Variants in ASAP2 observed in about 807,000 individuals in gnomAD.
ASAP2 encodes arf-GAP with SH3 domain, ANK repeat and PH domain-containing protein 2.
ASAP2 carries 45 observed loss-of-function variants against 131.4 expected under a neutral mutation model. That is an observed-to-expected ratio of 0.34 (90% confidence interval 0.27 to 0.44). The LOEUF (loss-of-function observed/expected upper bound fraction) is 0.44, where lower values mean the gene tolerates loss of function less well. Ranked by LOEUF, ASAP2 falls within the 20% of genes least tolerant of loss-of-function variation. ASAP2 has a pLI of 1.00. For missense variants in ASAP2, 1,011 were observed against 1,297.0 expected, an observed-to-expected ratio of 0.78 and a Z score of 3.39; for synonymous variants, 510 against 503.0, an observed-to-expected ratio of 1.01 and a Z score of -0.19.
intron 1 of ASAP2, among the ~76,000 whole-genome samples, chr2:9,276,565 T>A (rs1359717983): frequency 6.6e-6 from 1 of 151,658 alleles, no homozygotes; most frequent in Non-Finnish European, 1.5e-5. Flanking sequence ...TGAGACAGAG[T>A]CTCACCCTGT....
chr2:9,391,174 C>T lies in ASAP2; in HGVS notation c.2496C>T (p.Pro832=). The change falls in exon 23 of 28, where the codon CCC becomes CCT. Residue 832 remains proline (P), a synonymous_variant. Coordinates refer to ENST00000281419, the MANE Select transcript of ASAP2 (RefSeq NM_003887.3). ...SDPPAVHPPL[P]PLRVTSTNPL... is the part of the protein sequence containing the mutation. ...CGCCAGCTGTCCATCCACCGCTGCCCCCTCTTCGCGTGACATCTACCAGTA... is the reference window on the plus strand; with the variant it reads ...CGCCAGCTGTCCATCCACCGCTGCCTCCTCTTCGCGTGACATCTACCAGTA... 1 of 1,614,078 alleles carries T rather than the reference C, an allele frequency of 6.2e-7. No homozygotes were observed. Among genetic ancestry groups the T allele is most frequent in the Non-Finnish European group, 8.5e-7 (1 of 1,179,986 alleles).
At chr2:9,243,870 A>G (rs1398201316) in intron 1 of ASAP2, among the ~76,000 whole-genome samples, 1 of 152,208 alleles carries the variant, frequency 6.6e-6, no homozygotes, top group Admixed American at 6.5e-5. Flanking sequence ...TAGTGTAGTA[A>G]AAATAGCCAG....
intron 21 of ASAP2, among the ~76,000 whole-genome samples, chr2:9,386,586 AATTTAG>A (rs1329689859): frequency 1.4e-4 from 21 of 152,334 alleles, no homozygotes; most frequent in African/African-American, 4.8e-4. Context: ...TGGGCTTTGC[AATTTAG>A]AAATATGTGT....
chr2:9,382,612 C>T (rs919167469), intron 20 of ASAP2, among the ~76,000 whole-genome samples: 2 of 152,214 alleles, frequency 1.3e-5, no homozygotes, highest in African/African-American at 4.8e-5. Context: ...CACATTCATT[C>T]TCCTGGGGTT....
At chr2:9,384,731 A>C (rs753938173) in intron 20 of ASAP2, among the ~76,000 whole-genome samples, 7 of 152,202 alleles carry the variant, frequency 4.6e-5, no homozygotes, top group Non-Finnish European at 8.8e-5. Flanking sequence ...CCTGGGTGCC[A>C]CCCTCCAGGA....
At chr2:9,242,995 T>C (rs1664085993) in intron 1 of ASAP2, among the ~76,000 whole-genome samples, 2 of 152,232 alleles carry the variant, frequency 1.3e-5, no homozygotes, top group Non-Finnish European at 2.9e-5. Flanking sequence ...CTACCCTGCA[T>C]GATGGCTTTA....
intron 1 of ASAP2, among the ~76,000 whole-genome samples, chr2:9,260,060 C>G (rs1665472938): frequency 6.6e-6 from 1 of 152,156 alleles, no homozygotes; most frequent in South Asian, 2.1e-4. Context: ...AGGCACCAGT[C>G]TGATGGCCTG....
At chr2:9,245,501 G>A (rs989184524) in intron 1 of ASAP2, among the ~76,000 whole-genome samples, 4 of 32,902 alleles carry the variant, frequency 1.2e-4, no homozygotes, top group Admixed American at 7.0e-4. Flanking sequence ...AAGTGATGAC[G>A]TTACCTTCTG....
At chr2:9,250,483 G>C (rs1428114953) in intron 1 of ASAP2, among the ~76,000 whole-genome samples, 1 of 152,214 alleles carries the variant, frequency 6.6e-6, no homozygotes, top group Non-Finnish European at 1.5e-5. Flanking sequence ...TGGGACCCCA[G>C]ATCTTTAATC....
At chr2:9,322,928 G>GT (rs375764510) in intron 5 of ASAP2, among the ~76,000 whole-genome samples, 193 bp from the exon 6 acceptor site, 205 of 152,326 alleles carry the variant, frequency 1.3e-3, no homozygotes, top group African/African-American at 4.7e-3. Flanking sequence ...TACTTGTTGA[G>GT]TAAGTGGGAA....
intron 11 of ASAP2, among the ~76,000 whole-genome samples, chr2:9,349,865 C>G (rs114129192): frequency 2.2e-4 from 34 of 152,168 alleles, no homozygotes; most frequent in African/African-American, 7.7e-4. Flanking sequence ...GTGTATGTAT[C>G]TGGATTAATC....
chr2:9,335,774 AAG>A (rs1197206714), intron 9 of ASAP2, among the ~76,000 whole-genome samples: 1 of 152,238 alleles, frequency 6.6e-6, no homozygotes, highest in Non-Finnish European at 1.5e-5. Context: ...AGCCATTAAA[AAG>A]TAAGTTTTAA....
chr2:9,271,146 A>T (rs1572313612), intron 1 of ASAP2: 1 of 497,662 alleles, frequency 2.0e-6, no homozygotes, highest in Non-Finnish European at 3.6e-6. Flanking sequence ...AAGGAGTTAC[A>T]CTAGTCCAAG....
chr2:9,376,899 G>GT lies in ASAP2; in HGVS notation c.1747-4dup. ...TAGAATTCTGGAATGCCTTTGTTTG[G>GT]TTTTTCAGGAGCCGGATGAAACGGC... On this transcript the variant is annotated splice_polypyrimidine_tract_variant and intron_variant, in intron 17 of 27. Coordinates refer to ENST00000281419, the MANE Select transcript of ASAP2 (RefSeq NM_003887.3). 1 of 1,613,942 alleles carries GT rather than the reference G, an allele frequency of 6.2e-7. No homozygotes were observed. Among genetic ancestry groups the GT allele is most frequent in the East Asian group, 2.2e-5 (1 of 44,874 alleles).
intron 27 of ASAP2, among the ~76,000 whole-genome samples, chr2:9,402,379 C>G (rs1056833328): frequency 6.6e-6 from 1 of 152,194 alleles, no homozygotes; most frequent in African/African-American, 2.4e-5. Flanking sequence ...CCCATAATCC[C>G]AGCACTTTGG....
intron 19 of ASAP2, among the ~76,000 whole-genome samples, chr2:9,379,401 C>A (rs1674657462): frequency 6.6e-6 from 1 of 152,182 alleles, no homozygotes; most frequent in Non-Finnish European, 1.5e-5. Flanking sequence ...CTCACCCCCA[C>A]CTGAGGCCAC....
chr2:9,365,158 A>G (rs575990651), intron 15 of ASAP2, among the ~76,000 whole-genome samples: 1 of 152,364 alleles, frequency 6.6e-6, no homozygotes, highest in East Asian at 1.9e-4. Flanking sequence ...AAGACATCAT[A>G]TGTAAACTTT....
intron 1 of ASAP2, among the ~76,000 whole-genome samples, chr2:9,266,395 C>A (rs1005667101): frequency 6.6e-6 from 1 of 152,150 alleles, no homozygotes; most frequent in African/African-American, 2.4e-5. Flanking sequence ...GGTCTGCCCA[C>A]CTCAGCCTTC....
chr2:9,276,701 G>A (rs1383398345), intron 1 of ASAP2, among the ~76,000 whole-genome samples: 1 of 151,906 alleles, frequency 6.6e-6, no homozygotes, highest in Non-Finnish European at 1.5e-5. Context: ...CAACACGCCC[G>A]GCTAATTTTT....
Sources: gnomAD v4.1 joint callset for allele counts (sites outside exome capture counted in the v4.1 genomes callset) on GRCh38, gnomAD v4.1.1 for gene constraint, MANE v1.5 for transcripts, NCBI Gene and HGNC (gene_info 2026-07-23, HGNC 2026-07-21) for gene names.